PACS1: variants seen among roughly 807,000 people sequenced by gnomAD.
PACS1 encodes the protein phosphofurin acidic cluster sorting protein 1.
A neutral mutation model predicts 115.0 loss-of-function variants in PACS1; 24 were observed. The ratio of observed to expected loss-of-function variants is 0.21; its 90% confidence interval spans 0.15 to 0.29. The LOEUF (loss-of-function observed/expected upper bound fraction) is 0.29, where lower values mean the gene tolerates loss of function less well. Ranked by LOEUF, PACS1 falls within the 10% of genes least tolerant of loss-of-function variation. The pLI, the probability that PACS1 is intolerant of heterozygous loss-of-function variation, is 1.00. For synonymous variants in PACS1, 453 were observed against 504.5 expected (o/e 0.90, Z 1.37); for missense variants, 838 against 1,251.2 (o/e 0.67, Z 4.98).
intron 4 of PACS1, among the ~76,000 whole-genome samples, chr11:66,212,069 C>T (rs1028024144): frequency 1.3e-5 from 2 of 152,082 alleles, no homozygotes; most frequent in Non-Finnish European, 2.9e-5. Flanking sequence ...CTCAGTGCAG[C>T]TTAGGCAGCA....
intron 1 of PACS1, among the ~76,000 whole-genome samples, chr11:66,162,745 T>C (rs1432135187): frequency 6.6e-6 from 1 of 152,246 alleles, no homozygotes; most frequent in Non-Finnish European, 1.5e-5. Context: ...AAGTTGTCAA[T>C]GGGAAAATTA....
chr11:66,202,558 A>C (rs908576376), intron 2 of PACS1, among the ~76,000 whole-genome samples: 1 of 151,564 alleles, frequency 6.6e-6, no homozygotes, highest in African/African-American at 2.4e-5. Context: ...ACATCATATC[A>C]ACAGAATGAA....
Position 66,070,875 on chromosome 11 carries a change from G to A in PACS1, c.356+33G>A. On this transcript the variant is annotated intron_variant, in intron 1 of 23. Transcript: ENST00000320580. This position sits in a 1 kb window ranked among gnomAD's most constrained non-coding sequence, Gnocchi z 5.9. ...CGGGAGGGTGCGGCGGGGCGCCGGG[G>A]GAGCGGGGTGGCCGCCGGGGCCCAG... is the stretch of plus-strand genomic sequence containing the variant. 3 of 1,409,642 alleles carry A rather than the reference G, an allele frequency of 2.1e-6. No individual in the cohort carries two copies. The highest frequency in any genetic ancestry group is 2.7e-6 in the Non-Finnish European group (3 of 1,092,184). The allele number at this position is 1,409,642 out of a possible 1,614,324, so 87.3% of individuals were successfully genotyped here.
chr11:66,091,501 TTGTTTTTTTTC>T (rs1163233791), intron 1 of PACS1, among the ~76,000 whole-genome samples: 15 of 148,884 alleles, frequency 1.0e-4, no homozygotes, highest in African/African-American at 2.3e-4. Context: ...GTTGTTGTTG[TTGTTTTTTTTC>T]TTTTTTTTTT....
chr11:66,212,537 C>T (rs1407504080), intron 4 of PACS1, among the ~76,000 whole-genome samples: 1 of 151,720 alleles, frequency 6.6e-6, no homozygotes, highest in Non-Finnish European at 1.5e-5. Context: ...TCCCAAAGTG[C>T]TGGGATTATA....
intron 2 of PACS1, among the ~76,000 whole-genome samples, chr11:66,203,023 A>G (rs954175565): frequency 1.3e-5 from 2 of 152,010 alleles, no homozygotes; most frequent in Admixed American, 6.6e-5. Flanking sequence ...GCAGTCAGGC[A>G]AGAGAAAGAA....
chr11:66,241,524 G>T lies in PACS1; in HGVS notation c.2527G>T (p.Ala843Ser), dbSNP rs369846760. The change falls in exon 22 of 24, where the codon GCC becomes TCC. Residue 843 changes from alanine (A) to serine (S), a missense_variant. Transcript: ENST00000320580. Reference protein sequence around the residue: ...ERRREGDKRDASSKNTLKSVF... With the variant: ...ERRREGDKRDSSSKNTLKSVF... ...GAGGAGGGAAGGCGACAAGAGGGAC[G>T]CCAGCTCGAAGAACACCCTCAAGAG... 36 of 1,614,140 alleles carry T rather than the reference G, an allele frequency of 2.2e-5. No homozygotes were observed. The highest frequency in any genetic ancestry group is 3.0e-5 in the Non-Finnish European group (35 of 1,180,012).
intron 7 of PACS1, 58 bp downstream of exon 7, chr11:66,216,833 G>T: frequency 7.9e-7 from 1 of 1,270,748 alleles, no homozygotes; most frequent in South Asian, 1.2e-5. Flanking sequence ...GGGGTAGGTT[G>T]GCAGCAGCAT....
chr11:66,202,742 A>AAAAAAAAAAAAAAATATATATATAT (rs1200930188), intron 2 of PACS1, among the ~76,000 whole-genome samples: 1 of 71,652 alleles, frequency 1.4e-5, no homozygotes, highest in African/African-American at 8.0e-5. Context: ...AAAAAAAAAA[A>AAAAAAAAAAAAAAATATATATATAT]ATATATATAT....
chr11:66,230,889 G>A lies in PACS1; in HGVS notation c.1575G>A (p.Arg525=). 6.2e-7 allele frequency: 1 copy of A among 1,614,202 alleles called. No homozygotes were observed. Among genetic ancestry groups the A allele is most frequent in the African/African-American group, 1.3e-5 (1 of 75,054 alleles). The change falls in exon 13 of 24, where the codon AGG becomes AGA. Residue 525 remains arginine, a synonymous_variant. Coordinates refer to ENST00000320580, the MANE Select transcript of PACS1 (RefSeq NM_018026.4). ...ERQLSKPLSE[R]TNSSDSERSP... is the part of the protein sequence containing the mutation. Reference sequence around the variant, plus strand: ...AGCTCTCCAAGCCCCTAAGTGAGAGGACCAACAGTTCCGACAGCGAGCGCT... The same window carrying A: ...AGCTCTCCAAGCCCCTAAGTGAGAGAACCAACAGTTCCGACAGCGAGCGCT...
At chr11:66,105,096 A>G (rs1416070581) in intron 1 of PACS1, among the ~76,000 whole-genome samples, 1 of 152,162 alleles carries the variant, frequency 6.6e-6, no homozygotes, top group Non-Finnish European at 1.5e-5. Flanking sequence ...AAATTGTTTC[A>G]TTAGTACAAT....
At chr11:66,103,639 T>C (rs1279433551) in intron 1 of PACS1, among the ~76,000 whole-genome samples, 1 of 151,442 alleles carries the variant, frequency 6.6e-6, no homozygotes, top group Non-Finnish European at 1.5e-5. Context: ...GCCTCCCCAG[T>C]AGCTGGGATT....
chr11:66,211,337 C>G, intron 4 of PACS1, 78 bp downstream of exon 4: 4 of 1,490,966 alleles, frequency 2.7e-6, no homozygotes, highest in South Asian at 1.2e-5. Context: ...GCCAGTTGAG[C>G]CTTCCAGATG....
At chr11:66,204,751 A>C (rs1301681963) in intron 2 of PACS1, among the ~76,000 whole-genome samples, 1 of 152,180 alleles carries the variant, frequency 6.6e-6, no homozygotes, top group Non-Finnish European at 1.5e-5. Flanking sequence ...GTTAAAAATT[A>C]AAGTCATGGA....
intron 10 of PACS1, among the ~76,000 whole-genome samples, chr11:66,226,524 A>G (rs1056452421): frequency 6.6e-6 from 1 of 152,146 alleles, no homozygotes; most frequent in Non-Finnish European, 1.5e-5. Context: ...AGGCCCCCAC[A>G]ATAAGAATGA....
intron 2 of PACS1, among the ~76,000 whole-genome samples, chr11:66,204,827 A>G (rs1037718065): frequency 6.6e-5 from 10 of 152,114 alleles, no homozygotes; most frequent in African/African-American, 2.4e-4. Flanking sequence ...GTTAATGGAT[A>G]CAAAAACATA....
intron 19 of PACS1, chr11:66,237,944 G>A (rs1433392377): frequency 1.7e-5 from 7 of 405,540 alleles, no homozygotes; most frequent in Admixed American, 6.4e-5. Context: ...AGGCCTGTGC[G>A]GTAGATTTCG....
chr11:66,129,366 A>C (rs1008859463), intron 1 of PACS1, among the ~76,000 whole-genome samples: 1 of 151,382 alleles, frequency 6.6e-6, no homozygotes, highest in African/African-American at 2.4e-5. Flanking sequence ...TGGAAGGTGG[A>C]GGTGGCAGTG....
intron 1 of PACS1, among the ~76,000 whole-genome samples, chr11:66,074,785 C>T (rs2134492367): frequency 6.6e-6 from 1 of 152,240 alleles, no homozygotes; most frequent in Admixed American, 6.5e-5. Flanking sequence ...GACTGGTCTG[C>T]AGCAGAAGTG....
Sources: allele counts gnomAD v4.1 joint callset (sites outside exome capture counted in the v4.1 genomes callset), GRCh38; gene constraint gnomAD v4.1.1; non-coding constraint Gnocchi (gnomAD v3.1); transcripts MANE v1.5; gene names NCBI Gene and HGNC (gene_info 2026-07-23, HGNC 2026-07-21).